PLEKHG1: variants seen among roughly 807,000 people sequenced by gnomAD.
PLEKHG1 encodes pleckstrin homology and RhoGEF domain containing G1.
Under a neutral mutation model 100.8 loss-of-function variants are expected in PLEKHG1, and 44 were observed. The ratio of observed to expected loss-of-function variants is 0.44; its 90% confidence interval spans 0.34 to 0.56. The LOEUF is 0.56. PLEKHG1 is among the 20% of genes least tolerant of loss of function. The probability of loss-of-function intolerance (pLI) is 0.01; values close to 1 mark genes in which losing one functional copy is unlikely to be tolerated. For synonymous variants in PLEKHG1, 640 were observed against 662.5 expected, an observed-to-expected ratio of 0.97 and a Z score of 0.52; for missense variants, 1,545 against 1,720.9, an observed-to-expected ratio of 0.90 and a Z score of 1.81.
intron 10 of PLEKHG1, among the ~76,000 whole-genome samples, chr6:150,813,958 G>A (rs1170981016): frequency 2.6e-5 from 4 of 152,134 alleles, no homozygotes; most frequent in Non-Finnish European, 5.9e-5. Context: ...AATAAGGGCT[G>A]AGATTTCTGA....
chr6:150,726,309 AC>A (rs1781959989), intron 1 of PLEKHG1, among the ~76,000 whole-genome samples: 1 of 152,084 alleles, frequency 6.6e-6, no homozygotes, highest in Non-Finnish European at 1.5e-5. Flanking sequence ...GCATAAGAAA[AC>A]TTTTGGAGGT....
At chr6:150,768,331 G>T (rs1445574667) in intron 2 of PLEKHG1, among the ~76,000 whole-genome samples, 1 of 152,164 alleles carries the variant, frequency 6.6e-6, no homozygotes, top group Non-Finnish European at 1.5e-5. Flanking sequence ...AAAAGCAGAC[G>T]ATGTGGTTAT....
At chr6:150,646,861 T>C (rs1778524357) in intron 2 of PLEKHG1, among the ~76,000 whole-genome samples, 1 of 152,212 alleles carries the variant, frequency 6.6e-6, no homozygotes, top group Non-Finnish European at 1.5e-5. Flanking sequence ...CGGACTTAAA[T>C]CATATTTTCT....
At chr6:150,829,547 G>A (rs1776795903) in intron 14 of PLEKHG1, among the ~76,000 whole-genome samples, 3 of 152,154 alleles carry the variant, frequency 2.0e-5, no homozygotes, top group African/African-American at 7.2e-5. Context: ...GAACCCAGGA[G>A]GCAGAGGTTG....
intron 3 of PLEKHG1, among the ~76,000 whole-genome samples, chr6:150,716,071 G>A (rs1200992648): frequency 4.8e-5 from 7 of 146,156 alleles, no homozygotes; most frequent in East Asian, 2.0e-4. Context: ...TCGCGCCACT[G>A]CACTCCAGCC....
intron 3 of PLEKHG1, among the ~76,000 whole-genome samples, chr6:150,671,937 G>A (rs764645061): frequency 3.9e-5 from 6 of 152,130 alleles, no homozygotes; most frequent in Non-Finnish European, 5.9e-5. Flanking sequence ...ATATTTATAG[G>A]TTTTAAGCAG....
At chr6:150,822,143 A>G (rs1776337149) in intron 13 of PLEKHG1, among the ~76,000 whole-genome samples, 1 of 136,900 alleles carries the variant, frequency 7.3e-6, no homozygotes, top group Non-Finnish European at 1.6e-5. Context: ...GCCCAGCCCA[A>G]AGGACTCAAA....
At chr6:150,747,465 A>G (rs1287094921) in intron 2 of PLEKHG1, among the ~76,000 whole-genome samples, 1 of 152,164 alleles carries the variant, frequency 6.6e-6, no homozygotes, top group Non-Finnish European at 1.5e-5. Context: ...CTTATCATTT[A>G]TGTTTCTGAT....
chr6:150,769,854 AT>A (rs1402700184), intron 3 of PLEKHG1, among the ~76,000 whole-genome samples: 1 of 152,046 alleles, frequency 6.6e-6, no homozygotes, highest in East Asian at 1.9e-4. Flanking sequence ...GCACTCGTCA[AT>A]TTTTAACATA....
chr6:150,783,388 T>A (rs1785434639), intron 3 of PLEKHG1, among the ~76,000 whole-genome samples: 1 of 150,832 alleles, frequency 6.6e-6, no homozygotes, highest in Non-Finnish European at 1.5e-5. Context: ...TTTTTTTTTT[T>A]AACGGAGTCT....
intron 1 of PLEKHG1, among the ~76,000 whole-genome samples, chr6:150,604,746 C>T (rs1776517725): frequency 1.3e-5 from 2 of 152,190 alleles, no homozygotes; most frequent in South Asian, 4.1e-4. Flanking sequence ...CATCAGTTGA[C>T]ATAGAAATGG....
intron 1 of PLEKHG1, among the ~76,000 whole-genome samples, chr6:150,725,975 G>T (rs970200532): frequency 6.6e-6 from 1 of 152,128 alleles, no homozygotes; most frequent in African/African-American, 2.4e-5. Flanking sequence ...CAAGATGGAT[G>T]AACCTGGAGC....
rs116429230 is a variant in PLEKHG1, at chr6:150,775,211, G to A, written c.512+6473G>A. ...AACCAGCCCCCTAAAATCCAACAGC[G>A]TGTTTTACTGCAAACCAAAAAAGAA... On this transcript the variant is annotated intron_variant, in intron 3 of 15. Transcript: ENST00000358517. Among the ~76,000 whole-genome samples, 1,033 of 152,188 alleles carry A rather than the reference G, an allele frequency of 6.8e-3. 15 individuals carry two copies. The highest frequency in any genetic ancestry group is 0.023 in the African/African-American group (971 of 41,500).
intron 13 of PLEKHG1, among the ~76,000 whole-genome samples, chr6:150,821,964 C>A (rs896652730): frequency 6.6e-6 from 1 of 150,492 alleles, no homozygotes; most frequent in Admixed American, 6.6e-5. Flanking sequence ...GCCTCAGCCT[C>A]CCGAGTAGCT....
At position 150,683,709 on chromosome 6, in the gene PLEKHG1, G is replaced by C; in HGVS notation, c.-99+32923G>C. Reference sequence around the variant, plus strand: ...TGCTGTTCAACTTGAACCCTGAGTTGACACACGGACCCCTCTGCGCTAGTA... The same window carrying C: ...TGCTGTTCAACTTGAACCCTGAGTTCACACACGGACCCCTCTGCGCTAGTA... On this transcript the variant is annotated intron_variant, in intron 3 of 3. Transcript: ENST00000367326. This position sits in a 1 kb window ranked among gnomAD's most constrained non-coding sequence, Gnocchi z 4.0. The C allele has an allele frequency of 9.7e-6, 10 of 1,033,236 alleles. No homozygotes were observed. The highest frequency in any genetic ancestry group is 1.2e-5 in the Non-Finnish European group (9 of 779,098). The allele number at this position is 1,033,236 out of a possible 1,614,324, so 64.0% of individuals were successfully genotyped here. A position where few individuals can be genotyped will look rare whatever the true frequency, so the allele number is the denominator to read the frequency against.
At chr6:150,821,349 AAAAAGATTAACTT>A in intron 13 of PLEKHG1, 116 bp downstream of exon 14, 8 of 738,812 alleles carry the variant, frequency 1.1e-5, no homozygotes. Flanking sequence ...ATTTGATTAC[AAAAAGATTAACTT>A]CTGTAAATAA....
intron 2 of PLEKHG1, among the ~76,000 whole-genome samples, chr6:150,766,733 C>T (rs531969631): frequency 6.6e-6 from 1 of 152,166 alleles, no homozygotes; most frequent in African/African-American, 2.4e-5. Context: ...TTGTCTGTAA[C>T]CCCAGATGAA....
chr6:150,765,585 A>G (rs1186419529), intron 2 of PLEKHG1, among the ~76,000 whole-genome samples: 1 of 152,160 alleles, frequency 6.6e-6, no homozygotes, highest in Non-Finnish European at 1.5e-5. Context: ...CATAGAAATA[A>G]GGTAAGCTCT....
At chr6:150,611,558 T>C (rs1196386343) in intron 1 of PLEKHG1, among the ~76,000 whole-genome samples, 1 of 152,190 alleles carries the variant, frequency 6.6e-6, no homozygotes, top group Admixed American at 6.5e-5. Context: ...ACGCCTGTAA[T>C]CCCAACACTT....
Sources: gnomAD v4.1 joint callset for allele counts (sites outside exome capture counted in the v4.1 genomes callset) on GRCh38, gnomAD v4.1.1 for gene constraint, Gnocchi (gnomAD v3.1) non-coding constraint, MANE v1.5 for transcripts, NCBI Gene and HGNC (gene_info 2026-07-23, HGNC 2026-07-21) for gene names.